ADAM32: variants seen among roughly 807,000 people sequenced by gnomAD.
ADAM32 encodes the protein ADAM metallopeptidase domain 32.
ADAM32 carries 89 observed loss-of-function variants against 114.9 expected under a neutral mutation model. The ratio of observed to expected loss-of-function variants is 0.77; its 90% CI spans 0.65 to 0.92. ADAM32 has a LOEUF of 0.92. ADAM32 is among the 40% of genes least tolerant of loss of function. The probability of loss-of-function intolerance (pLI) is 0.00; values close to 1 mark genes in which losing one functional copy is unlikely to be tolerated. For synonymous variants in ADAM32, 285 were observed against 307.5 expected, an observed-to-expected ratio of 0.93 and a Z score of 0.77; for missense variants, 870 against 932.8, an observed-to-expected ratio of 0.93 and a Z score of 0.88.
At chr8:39,112,392 T>C (rs1374021841) in intron 1 of ADAM32, among the ~76,000 whole-genome samples, 1 of 152,236 alleles carries the variant, frequency 6.6e-6, no homozygotes, top group Non-Finnish European at 1.5e-5. Context: ...TCCTGATTTT[T>C]GTACTAAGTT....
At chr8:39,282,944 G>GA (rs890182023) in intron 23 of ADAM32, among the ~76,000 whole-genome samples, 1 of 152,088 alleles carries the variant, frequency 6.6e-6, no homozygotes, top group African/African-American at 2.4e-5. Context: ...CAAAGGTAGG[G>GA]AAAGGACGAA....
intron 11 of ADAM32, among the ~76,000 whole-genome samples, chr8:39,203,369 C>A (rs1807572062): frequency 1.3e-5 from 2 of 152,122 alleles, no homozygotes. Flanking sequence ...TTGAATTGAT[C>A]CCTTTACCAT....
At chr8:39,205,660 A>T (rs1466669741) in intron 11 of ADAM32, among the ~76,000 whole-genome samples, 3 of 152,206 alleles carry the variant, frequency 2.0e-5, no homozygotes. Context: ...CCCCAGTGAG[A>T]TGAACCTGGA....
At chr8:39,218,730 G>T (rs541747298) in intron 12 of ADAM32, among the ~76,000 whole-genome samples, 18 of 152,222 alleles carry the variant, frequency 1.2e-4, no homozygotes, top group Middle Eastern at 6.8e-3. Context: ...CTTGTTGTGG[G>T]TGTGCAAGGC....
chr8:39,204,460 G>C (rs1249643093), intron 11 of ADAM32, among the ~76,000 whole-genome samples: 1 of 152,116 alleles, frequency 6.6e-6, no homozygotes, highest in Non-Finnish European at 1.5e-5. Context: ...CGTAGTTCTC[G>C]TGCCATGGTT....
intron 11 of ADAM32, among the ~76,000 whole-genome samples, chr8:39,188,461 G>A (rs1806395381): frequency 6.6e-6 from 1 of 151,914 alleles, no homozygotes; most frequent in South Asian, 2.1e-4. Flanking sequence ...TGTTCATATG[G>A]CCAGCTATTC....
intron 11 of ADAM32, among the ~76,000 whole-genome samples, chr8:39,198,061 A>G (rs185659159): frequency 6.6e-6 from 1 of 152,078 alleles, no homozygotes; most frequent in East Asian, 1.9e-4. Flanking sequence ...TCTCTTTATC[A>G]TTATATAATG....
In ADAM32 at chr8:39,278,329, T is replaced by C. The variant is rs1813218695; in HGVS notation, c.2279+2463T>C. Among the ~76,000 whole-genome samples, 3 of 144,158 alleles carry C rather than the reference T, an allele frequency of 2.1e-5. No homozygotes were observed. The South Asian group carries it at 6.5e-4, about 31-fold the overall frequency. 94.6% of individuals were successfully genotyped at this position (144,158 alleles called of 152,430 possible). ...TTTAGGTTGAGCAGGAAAACAGTGA[T>C]AGAAATTCTCTCTTTGGATGGTGGT... On this transcript the variant is annotated intron_variant, in intron 22 of 24. Coordinates refer to ENST00000379907, the MANE Select transcript of ADAM32 (RefSeq NM_145004.7).
chr8:39,233,927 A>G lies in ADAM32; in HGVS notation c.1663A>G (p.Thr555Ala). 6.3e-7 allele frequency: 1 copy of G among 1,582,814 alleles called. No individual in the cohort carries two copies. Among genetic ancestry groups the G allele is most frequent in the East Asian group, 2.3e-5 (1 of 43,612 alleles). Residue 555 changes from threonine (T) to alanine (A), a missense_variant, in exon 16 of 25, where the codon ACC becomes GCC. Thr to Ala is a moderately conservative substitution (Grantham distance 58, BLOSUM62 0). Transcript: ENST00000379907. The part of the protein sequence containing the change: ...RNLICGRLVC[T>A]YPTRKPFHQE... ...TCTTATATGTGGAAGATTAGTTTGT[A>G]CCTACCCTACTCGAAAGCCTTTCCA...
Position 39,165,119 on chromosome 8 carries a change from T to C in ADAM32, c.756T>C (p.Asp252=), listed in dbSNP as rs772568257. 6.2e-7 allele frequency: 1 copy of C among 1,608,568 alleles called. No homozygotes were observed. Among genetic ancestry groups the C allele is most frequent in the Non-Finnish European group, 8.5e-7 (1 of 1,176,000 alleles). ...ENKISTVGEA[D]ELLQKFLEWK... ...AGATTTCTACAGTTGGTGAGGCAGATGAATTATTGCAAAAATTTTTAGAAT... is the reference window on the plus strand; with the variant it reads ...AGATTTCTACAGTTGGTGAGGCAGACGAATTATTGCAAAAATTTTTAGAAT... Residue 252 remains aspartate, a synonymous_variant, in exon 9 of 25, where the codon GAT becomes GAC. Transcript: ENST00000379907.
At chr8:39,146,266 G>C (rs1803498983) in intron 3 of ADAM32, among the ~76,000 whole-genome samples, 1 of 152,070 alleles carries the variant, frequency 6.6e-6, no homozygotes, top group Non-Finnish European at 1.5e-5. Flanking sequence ...GGACGTTTCA[G>C]TACATATGCT....
At chr8:39,231,249 C>G (rs1809715396) in intron 14 of ADAM32, among the ~76,000 whole-genome samples, 1 of 152,116 alleles carries the variant, frequency 6.6e-6, no homozygotes, top group African/African-American at 2.4e-5. Context: ...AAGAAAGCTG[C>G]TGTGTTCTGA....
intron 10 of ADAM32, among the ~76,000 whole-genome samples, chr8:39,180,739 A>G (rs1012568574): frequency 1.3e-5 from 2 of 150,878 alleles, no homozygotes; most frequent in African/African-American, 4.9e-5. Context: ...ACCAATTGAC[A>G]CTCTGTATCT....
intron 2 of ADAM32, among the ~76,000 whole-genome samples, chr8:39,120,828 C>T (rs921046257): frequency 6.7e-6 from 1 of 149,756 alleles, no homozygotes; most frequent in Non-Finnish European, 1.5e-5. Flanking sequence ...TTATTGGAGA[C>T]TGGAGGAAAG....
At chr8:39,195,667 C>T (rs1188763204) in intron 11 of ADAM32, among the ~76,000 whole-genome samples, 1 of 141,560 alleles carries the variant, frequency 7.1e-6, no homozygotes, top group African/African-American at 2.5e-5. Flanking sequence ...ATTCCCAGCA[C>T]ACGTATATGT....
At chr8:39,177,357 C>T (rs948620452) in intron 10 of ADAM32, among the ~76,000 whole-genome samples, 1 of 152,096 alleles carries the variant, frequency 6.6e-6, no homozygotes, top group Non-Finnish European at 1.5e-5. Context: ...AGTGATTGCT[C>T]CCAGCCATCC....
At position 39,264,911 on chromosome 8, in the gene ADAM32, T is replaced by G. The variant is rs573693279; in HGVS notation, c.2163-5965T>G. Among the ~76,000 whole-genome samples the G allele has an allele frequency of 6.6e-5, 10 of 152,160 alleles. 2 individuals are homozygous for G. The highest frequency in any genetic ancestry group is 6.5e-4 in the Admixed American group (10 of 15,292). On this transcript the variant is annotated intron_variant, in intron 19 of 24. Transcript: ENST00000379907. ...TTTATTGCACTGTGGTCTGAGAGTG[T>G]GATTGGTATGATTGGTATGTGCTGA...
At chr8:39,212,149 T>C (rs540851183) in intron 12 of ADAM32, among the ~76,000 whole-genome samples, 1 of 152,262 alleles carries the variant, frequency 6.6e-6, no homozygotes, top group African/African-American at 2.4e-5. Context: ...CCCAAGTAGC[T>C]GGGATTACAG....
At chr8:39,132,345 G>A (rs1268325917) in intron 2 of ADAM32, among the ~76,000 whole-genome samples, 1 of 152,048 alleles carries the variant, frequency 6.6e-6, no homozygotes, top group Non-Finnish European at 1.5e-5. Flanking sequence ...TTTCTTTGTG[G>A]TGATCCAGGT....
Sources: gnomAD v4.1 joint callset for allele counts (sites outside exome capture counted in the v4.1 genomes callset) on GRCh38, gnomAD v4.1.1 for gene constraint, MANE v1.5 for transcripts, NCBI Gene and HGNC (gene_info 2026-07-23, HGNC 2026-07-21) for gene names.